Variants in HDLBP observed in about 807,000 individuals in gnomAD.
The protein encoded by HDLBP is vigilin.
In HDLBP, 30 loss-of-function variants were observed where a neutral mutation model predicts 137.3. That is an observed-to-expected ratio of 0.22 (90% CI 0.16 to 0.30). The LOEUF (loss-of-function observed/expected upper bound fraction) is 0.30. Among genes scored for constraint, HDLBP ranks in the 10% least tolerant of loss-of-function variants. The pLI is 1.00. For missense variants in HDLBP, 1,119 were observed against 1,667.3 expected (o/e 0.67, Z 5.73); for synonymous variants, 606 against 596.0 (o/e 1.02, Z -0.24).
chr2:241,309,357 T>C (rs62186421), intron 1 of HDLBP, among the ~76,000 whole-genome samples: 48,326 of 152,130 alleles, frequency 0.32, 8,421 homozygotes, highest in East Asian at 0.51. Flanking sequence ...CACGAGCCGT[T>C]GTCAGATCAA....
chr2:241,250,097 C>A, intron 11 of HDLBP, 117 bp from the exon 12 acceptor site: 1 of 1,021,982 alleles, frequency 9.8e-7, no homozygotes, highest in Non-Finnish European at 1.4e-6. Flanking sequence ...TTCCCATCAC[C>A]AAAAACGATG....
At chr2:241,229,784 G>GCCC in intron 27 of HDLBP, 49 bp downstream of exon 27, 1 of 1,502,546 alleles carries the variant, frequency 6.7e-7, no homozygotes. Context: ...AAGCCCGCCT[G>GCCC]CCCGCCCACC....
intron 1 of HDLBP, among the ~76,000 whole-genome samples, chr2:241,314,558 CG>C (rs2075928724): frequency 6.6e-6 from 1 of 152,150 alleles, no homozygotes; most frequent in Non-Finnish European, 1.5e-5. Flanking sequence ...CTTAAGATTA[CG>C]ACTCATCCAC....
intron 12 of HDLBP, chr2:241,249,304 T>C (rs1406240824): frequency 1.5e-5 from 7 of 470,822 alleles, no homozygotes; most frequent in Non-Finnish European, 3.1e-5. Context: ...GTATTTGACT[T>C]CTCTGGATAC....
Position 241,272,597 on chromosome 2 carries a change from G to T in HDLBP, c.-102-4056C>A. 1.0e-6 allele frequency: 1 copy of T among 983,680 alleles called. No individual in the cohort carries two copies. Among genetic ancestry groups the T allele is most frequent in the Non-Finnish European group, 1.2e-6 (1 of 829,156 alleles). The allele number at this position is 983,680 out of a possible 1,614,324, so 60.9% of individuals were successfully genotyped here. A position where few individuals can be genotyped will look rare whatever the true frequency, so the allele number is the denominator to read the frequency against. ...CACGCGCGGTAAGCAGGACACCCGCGGGCGGGGGCCGCAGCCTGGGGCCCG... is the reference window on the plus strand; with the variant it reads ...CACGCGCGGTAAGCAGGACACCCGCTGGCGGGGGCCGCAGCCTGGGGCCCG... On this transcript the variant is annotated intron_variant, in intron 1 of 27. Transcript: ENST00000310931. The surrounding 1 kb of genome is among the most constrained non-coding windows in gnomAD (Gnocchi z 5.6).
chr2:241,253,180 A>C lies in HDLBP; in HGVS notation c.1294-145T>G, dbSNP rs1036454339. ...AGACTGCCCCTGCATCTCCCCTGAA[A>C]GATGCCTTCTTCAAGATGAAGTTTC... On this transcript the variant is annotated intron_variant, in intron 10 of 27. Coordinates refer to ENST00000310931, the MANE Select transcript of HDLBP (RefSeq NM_005336.6). 81 of 672,046 alleles carry C rather than the reference A, an allele frequency of 1.2e-4. 1 individual carries two copies. In the South Asian group the frequency reaches 1.4e-3, roughly 11 times the overall value. 41.6% of individuals were successfully genotyped at this position (672,046 alleles called of 1,614,324 possible). A position where few individuals can be genotyped will look rare whatever the true frequency, so the allele number is the denominator to read the frequency against.
In HDLBP at chr2:241,272,405, C is replaced by G; in HGVS notation, c.-102-3864G>C. 2 of 984,482 alleles carry G rather than the reference C, an allele frequency of 2.0e-6. No homozygotes were observed. Among genetic ancestry groups the G allele is most frequent in the Non-Finnish European group, 2.4e-6 (2 of 829,618 alleles). 61.0% of individuals were successfully genotyped at this position (984,482 alleles called of 1,614,324 possible). ...CCCTCCGCGCCGTGCGGCCACGGCA[C>G]CAGGGGTGCCCCACCGAAGCCCCGG... On this transcript the variant is annotated intron_variant, in intron 1 of 27. Transcript: ENST00000310931. The surrounding 1 kb of genome is among the most constrained non-coding windows in gnomAD (Gnocchi z 5.6).
chr2:241,246,976 C>T (rs2305076), intron 15 of HDLBP, 80 bp downstream of exon 15: 151,812 of 1,574,166 alleles, frequency 0.096, 7,668 homozygotes, highest in Middle Eastern at 0.16. Context: ...GGAAGAGTCC[C>T]TCCTAGTCTA....
chr2:241,257,718 C>T (rs960222969), intron 5 of HDLBP, among the ~76,000 whole-genome samples: 2 of 152,116 alleles, frequency 1.3e-5, no homozygotes, highest in African/African-American at 4.8e-5. Context: ...CAATTTCAAA[C>T]AGTTGATTAT....
intron 1 of HDLBP, among the ~76,000 whole-genome samples, chr2:241,290,272 C>T (rs1051815149): frequency 1.3e-5 from 2 of 152,126 alleles, no homozygotes; most frequent in African/African-American, 4.8e-5. Context: ...GGAAATCAAG[C>T]TCATCTGAGC....
intron 1 of HDLBP, among the ~76,000 whole-genome samples, chr2:241,283,070 G>C (rs548141267): frequency 1.3e-5 from 2 of 152,232 alleles, no homozygotes; most frequent in African/African-American, 4.8e-5. Flanking sequence ...CTACTCCAGT[G>C]AACACATAAA....
chr2:241,255,034 G>GA lies in HDLBP; in HGVS notation c.1188+16dup, dbSNP rs750840527. 14 of 1,553,622 alleles carry GA rather than the reference G, an allele frequency of 9.0e-6. No individual in the cohort carries two copies. In the South Asian group the frequency reaches 1.1e-4, roughly 12 times the overall value. On this transcript the variant is annotated intron_variant, in intron 9 of 27. Transcript: ENST00000310931. ...ACAAGACAAATTCAATACAACAGGTGAAAAACGTGTCCTTACCTTTGGCAT... is the reference window on the plus strand; with the variant it reads ...ACAAGACAAATTCAATACAACAGGTGAAAAAACGTGTCCTTACCTTTGGCAT...
At chr2:241,241,140 A>T (rs2071170037) in intron 17 of HDLBP, among the ~76,000 whole-genome samples, 2 of 152,304 alleles carry the variant, frequency 1.3e-5, no homozygotes, top group South Asian at 4.1e-4. Flanking sequence ...CAGAAACGCA[A>T]GGCTGGTTAA....
chr2:241,237,602 C>T (rs2070705072), intron 20 of HDLBP, among the ~76,000 whole-genome samples: 2 of 152,102 alleles, frequency 1.3e-5, no homozygotes, highest in African/African-American at 4.8e-5. Flanking sequence ...TTAGATACTA[C>T]TGTTATATAA....
intron 10 of HDLBP, 21 bp from the exon 11 acceptor site, chr2:241,253,056 T>A (rs1338895043): frequency 6.4e-7 from 1 of 1,570,440 alleles, no homozygotes; most frequent in Admixed American, 1.7e-5. Flanking sequence ...AGCACAGAGG[T>A]CCATGGATGC....
rs897563049 is a variant in HDLBP at position 241,230,586 on chromosome 2, A to G, written c.3474+173T>C. Among the ~76,000 whole-genome samples, 1 of 152,250 alleles carries G rather than the reference A, an allele frequency of 6.6e-6. No individual in the cohort carries two copies. The highest frequency in any genetic ancestry group is 2.4e-5 in the African/African-American group (1 of 41,478). On this transcript the variant is annotated intron_variant, in intron 25 of 27. Coordinates refer to ENST00000310931, the MANE Select transcript of HDLBP (RefSeq NM_005336.6). The surrounding 1 kb of genome is among the most constrained non-coding windows in gnomAD (Gnocchi z 5.0). Reference sequence around the variant, plus strand: ...GGCCACCGTGGCAGTGCAGCCTCACACAGGCCGTCGCCTGCACTGACCCGT... The same window carrying G: ...GGCCACCGTGGCAGTGCAGCCTCACGCAGGCCGTCGCCTGCACTGACCCGT...
chr2:241,250,666 G>T (rs1339477720), intron 11 of HDLBP: 1 of 152,282 alleles, frequency 6.6e-6, no homozygotes. Flanking sequence ...CCAGCTTGCT[G>T]GAAGGACCAC....
Position 241,239,909 on chromosome 2 carries a change from G to C in HDLBP, c.2383C>G (p.Gln795Glu), listed in dbSNP as rs745840916. Residue 795 changes from glutamine to glutamate, a missense_variant, in exon 18 of 28, where the codon CAA (glutamine) becomes GAA (glutamate). Coordinates refer to ENST00000310931, the MANE Select transcript of HDLBP (RefSeq NM_005336.6). This position sits in a 1 kb window ranked among gnomAD's most constrained non-coding sequence, Gnocchi z 4.6. ...EAQKELEALI[Q>E]NLDNVVEDSM... is the part of the protein sequence containing the mutation. ...CGAGGCCCGCTCCCTACCAGGTTTT[G>C]GATCAAGGCCTCCAGCTCCTTCTGT... 27 of 1,613,932 alleles carry C rather than the reference G, an allele frequency of 1.7e-5. No individual in the cohort carries two copies. Among genetic ancestry groups the C allele is most frequent in the Non-Finnish European group, 2.3e-5 (27 of 1,179,960 alleles).
chr2:241,281,453 G>A (rs187214793), intron 1 of HDLBP, among the ~76,000 whole-genome samples: 227 of 152,274 alleles, frequency 1.5e-3, no homozygotes, highest in African/African-American at 5.2e-3. Context: ...CCTAGGAGGT[G>A]GGGGTTGCAA....
Sources: gnomAD v4.1 joint callset for allele counts (sites outside exome capture counted in the v4.1 genomes callset) on GRCh38, gnomAD v4.1.1 for gene constraint, Gnocchi (gnomAD v3.1) non-coding constraint, MANE v1.5 for transcripts, NCBI Gene and HGNC (gene_info 2026-07-23, HGNC 2026-07-21) for gene names.